The following STXBP6 variants were observed in gnomAD, a reference collection of about 807,000 sequenced individuals.
STXBP6 encodes syntaxin binding protein 6, also known as syntaxin-binding protein 6.
STXBP6 carries 21 observed loss-of-function variants against 26.9 expected under a neutral mutation model. That is an observed-to-expected ratio of 0.78 (90% CI 0.55 to 1.12). The LOEUF (loss-of-function observed/expected upper bound fraction) is 1.12. STXBP6 is among the 50% of genes most tolerant of loss of function. The pLI, the probability that STXBP6 is intolerant of heterozygous loss-of-function variation, is 0.00. For synonymous variants in STXBP6, 97 were observed against 92.6 expected (o/e 1.05, Z -0.27); for missense variants, 232 against 257.9 (o/e 0.90, Z 0.69).
At chr14:24,918,159 T>C (rs2071835735) in intron 2 of STXBP6, among the ~76,000 whole-genome samples, 1 of 151,110 alleles carries the variant, frequency 6.6e-6, no homozygotes, top group African/African-American at 2.4e-5. Flanking sequence ...TGGGGAGGGG[T>C]GGTGATGAAA....
chr14:25,036,084 G>A (rs1191723226), intron 1 of STXBP6, among the ~76,000 whole-genome samples: 10 of 152,002 alleles, frequency 6.6e-5, no homozygotes, highest in Non-Finnish European at 1.5e-4. Flanking sequence ...CAGACATGGT[G>A]GCGTGTGCCT....
chr14:24,856,101 C>A lies in STXBP6; in HGVS notation c.286G>T (p.Asp96Tyr). The change falls in exon 4 of 6, where the codon GAT becomes TAT. Residue 96 changes from aspartate to tyrosine, a missense_variant and splice_region_variant. Coordinates refer to ENST00000323944, the MANE Select transcript of STXBP6 (RefSeq NM_001394410.1). ...RQVNGIDPNG[D>Y]SAEFDLLFEN... ...AACAACAAATCAAACTCTGCCGAAT[C>A]CTGGAAAAGACAATGAAATAACTAC... The A allele has an allele frequency of 6.3e-7, 1 of 1,590,488 alleles. No homozygotes were observed. Among genetic ancestry groups the A allele is most frequent in the Non-Finnish European group, 8.5e-7 (1 of 1,171,298 alleles).
In STXBP6 at chr14:24,881,189, G is replaced by A. The variant is rs527798914; in HGVS notation, c.155-24032C>T. On this transcript the variant is annotated intron_variant, in intron 2 of 5. Coordinates refer to ENST00000323944, the MANE Select transcript of STXBP6 (RefSeq NM_001394410.1). ...GGGAAAGGCTCAGGCTGTGTTCAGT[G>A]TCTGTGGGCCACTAATTGAAGGGTA... Among the ~76,000 whole-genome samples the A allele has an allele frequency of 1.2e-3, 178 of 151,820 alleles. 2 individuals are homozygous for A. Among genetic ancestry groups the A allele is most frequent in the African/African-American group, 4.1e-3 (170 of 41,400 alleles).
intron 2 of STXBP6, among the ~76,000 whole-genome samples, chr14:24,928,781 C>T (rs1360849215): frequency 6.6e-6 from 1 of 152,076 alleles, no homozygotes; most frequent in Non-Finnish European, 1.5e-5. Context: ...TACTTGAGAC[C>T]ATGCACCCTC....
chr14:24,820,147 G>C (rs1054733068), intron 4 of STXBP6, among the ~76,000 whole-genome samples: 3 of 152,208 alleles, frequency 2.0e-5, no homozygotes, highest in Non-Finnish European at 4.4e-5. Context: ...TTAACACTGA[G>C]TGTGAGATAT....
intron 4 of STXBP6, among the ~76,000 whole-genome samples, chr14:24,839,988 A>C (rs1279710002): frequency 1.3e-5 from 2 of 152,164 alleles, no homozygotes; most frequent in African/African-American, 2.4e-5. Context: ...ACTCCTTATC[A>C]TGTGATATGT....
At chr14:25,036,818 A>T (rs1483864672) in intron 1 of STXBP6, among the ~76,000 whole-genome samples, 3 of 147,936 alleles carry the variant, frequency 2.0e-5, no homozygotes, top group Admixed American at 6.8e-5. Context: ...ATGGCGCCAC[A>T]GCACTCCAGC....
At chr14:25,007,500 C>T (rs1281335191) in intron 1 of STXBP6, among the ~76,000 whole-genome samples, 1 of 152,138 alleles carries the variant, frequency 6.6e-6, no homozygotes, top group Non-Finnish European at 1.5e-5. Context: ...TTCCCTTACC[C>T]CTCAGCACAA....
intron 1 of STXBP6, among the ~76,000 whole-genome samples, chr14:25,040,524 G>A (rs748688750): frequency 2.0e-5 from 3 of 152,158 alleles, no homozygotes; most frequent in Non-Finnish European, 2.9e-5. Context: ...TAAAGGAAGC[G>A]ACATTTGTAA....
chr14:24,940,652 T>C (rs1176060985), intron 2 of STXBP6, among the ~76,000 whole-genome samples: 1 of 152,142 alleles, frequency 6.6e-6, no homozygotes, highest in African/African-American at 2.4e-5. Flanking sequence ...ATCAATCATC[T>C]TCCTCCCTGA....
intron 2 of STXBP6, among the ~76,000 whole-genome samples, chr14:24,885,903 G>T (rs1336725813): frequency 1.3e-5 from 2 of 152,138 alleles, no homozygotes; most frequent in Non-Finnish European, 2.9e-5. Flanking sequence ...TATGAATATG[G>T]TTTTTGAGTC....
intron 1 of STXBP6, among the ~76,000 whole-genome samples, chr14:25,047,798 CTGAT>C (rs1164402768): frequency 6.6e-6 from 1 of 152,220 alleles, no homozygotes. Flanking sequence ...TCTTCATAGA[CTGAT>C]TTCACAGATT....
At chr14:25,031,131 T>C (rs1595349417) in intron 1 of STXBP6, among the ~76,000 whole-genome samples, 2 of 152,214 alleles carry the variant, frequency 1.3e-5, no homozygotes, top group African/African-American at 4.8e-5. Context: ...TTTACATTGA[T>C]TTTAGAACAA....
At chr14:24,941,564 G>C (rs1566495784) in intron 2 of STXBP6, among the ~76,000 whole-genome samples, 1 of 152,206 alleles carries the variant, frequency 6.6e-6, no homozygotes, top group African/African-American at 2.4e-5. Flanking sequence ...GAGGGAGCAG[G>C]AGGTTGAATA....
At chr14:24,950,720 C>G (rs564967593) in intron 2 of STXBP6, among the ~76,000 whole-genome samples, 5 of 152,282 alleles carry the variant, frequency 3.3e-5, no homozygotes, top group Admixed American at 1.3e-4. Context: ...CATTGAGCTT[C>G]TCTAGACACA....
intron 1 of STXBP6, among the ~76,000 whole-genome samples, chr14:25,012,061 A>C (rs1165745737): frequency 1.3e-5 from 2 of 152,228 alleles, no homozygotes; most frequent in African/African-American, 4.8e-5. Flanking sequence ...AGCTCACTGC[A>C]GTCTCAGATT....
intron 1 of STXBP6, among the ~76,000 whole-genome samples, chr14:25,000,761 C>T (rs190531222): frequency 9.9e-5 from 15 of 150,788 alleles, no homozygotes; most frequent in Non-Finnish European, 1.8e-4. Context: ...GAACCCTGCC[C>T]CACACCGAGA....
chr14:24,948,511 A>G (rs1412216613), intron 2 of STXBP6, among the ~76,000 whole-genome samples: 1 of 152,124 alleles, frequency 6.6e-6, no homozygotes, highest in Admixed American at 6.6e-5. Context: ...ATGCTCACAT[A>G]GTTGATTTTC....
intron 4 of STXBP6, among the ~76,000 whole-genome samples, chr14:24,835,317 G>A (rs2068579398): frequency 6.7e-6 from 1 of 148,672 alleles, no homozygotes. Flanking sequence ...GAGACCCGGA[G>A]CCGTGTTTGT....
Sources: gnomAD v4.1 joint callset for allele counts (sites outside exome capture counted in the v4.1 genomes callset) on GRCh38, gnomAD v4.1.1 for gene constraint, MANE v1.5 for transcripts, NCBI Gene and HGNC (gene_info 2026-07-23, HGNC 2026-07-21) for gene names.